Variants in STAG1 observed in about 807,000 individuals in gnomAD.
STAG1 encodes STAG1 cohesin complex component.
Under a neutral mutation model 170.9 loss-of-function variants are expected in STAG1, and 26 were observed. The ratio of observed to expected loss-of-function variants is 0.15; its 90% CI spans 0.11 to 0.21. The LOEUF (loss-of-function observed/expected upper bound fraction) is 0.21. Ranked by LOEUF, STAG1 falls within the 10% of genes least tolerant of loss-of-function variation. The pLI is 1.00. For synonymous variants in STAG1, 514 were observed against 497.7 expected (o/e 1.03, Z -0.44); for missense variants, 964 against 1,509.5 (o/e 0.64, Z 5.99).
At chr3:136,422,268 T>C (rs1275204599) in intron 19 of STAG1, 142 bp downstream of exon 19, 13 of 651,384 alleles carry the variant, frequency 2.0e-5, no homozygotes, top group Non-Finnish European at 3.1e-5. Flanking sequence ...GAATACACAA[T>C]TGTAATAAGG....
intron 13 of STAG1, among the ~76,000 whole-genome samples, chr3:136,454,269 AG>A (rs2089037802): frequency 6.6e-6 from 1 of 151,892 alleles, no homozygotes; most frequent in South Asian, 2.1e-4. Context: ...TAGTAGAGAC[AG>A]GGTTTCACCA....
In STAG1 at chr3:136,707,965, C is replaced by T. The variant is rs550364748; in HGVS notation, c.-84+44230G>A. Among the ~76,000 whole-genome samples, 3 of 151,840 alleles carry T rather than the reference C, an allele frequency of 2.0e-5. No homozygotes were observed. The East Asian group carries it at 5.8e-4, about 29-fold the overall frequency. ...CAAATCATATTCAAACAATAGCAGG[C>T]GGCTATATTTTTTTAAAAAAAAGGA... On this transcript the variant is annotated intron_variant, in intron 1 of 33. Transcript: ENST00000383202.
At chr3:136,743,497 A>T (rs978638361) in intron 1 of STAG1, among the ~76,000 whole-genome samples, 27 of 152,130 alleles carry the variant, frequency 1.8e-4, no homozygotes, top group Non-Finnish European at 3.7e-4. Context: ...AAATGAACCA[A>T]TTTCCCTAAA....
At chr3:136,400,461 T>C (rs2087290928) in intron 21 of STAG1, among the ~76,000 whole-genome samples, 1 of 152,056 alleles carries the variant, frequency 6.6e-6, no homozygotes, top group Admixed American at 6.6e-5. Context: ...GATCAGGCAA[T>C]CTGCCCACCT....
intron 28 of STAG1, among the ~76,000 whole-genome samples, chr3:136,353,778 G>C (rs941434229): frequency 6.6e-6 from 1 of 152,150 alleles, no homozygotes; most frequent in South Asian, 2.1e-4. Flanking sequence ...AGGGTAATTT[G>C]AATTTACATG....
intron 1 of STAG1, among the ~76,000 whole-genome samples, chr3:136,692,530 G>A (rs1240446974): frequency 6.6e-6 from 1 of 151,978 alleles, no homozygotes; most frequent in Non-Finnish European, 1.5e-5. Context: ...AGCTACTCAA[G>A]AGGCTGAGGC....
At chr3:136,549,683 A>G in intron 5 of STAG1, among the ~76,000 whole-genome samples, 1 of 149,972 alleles carries the variant, frequency 6.7e-6, no homozygotes, top group East Asian at 1.9e-4. Flanking sequence ...CTTGCCTAAT[A>G]GCTCTGGGCA....
intron 5 of STAG1, among the ~76,000 whole-genome samples, chr3:136,563,940 T>G (rs1266035264): frequency 6.6e-6 from 1 of 152,046 alleles, no homozygotes; most frequent in Non-Finnish European, 1.5e-5. Flanking sequence ...GGAGAACTGC[T>G]TGAACCCAGG....
At chr3:136,566,283 A>G (rs1937072801) in intron 5 of STAG1, among the ~76,000 whole-genome samples, 1 of 152,098 alleles carries the variant, frequency 6.6e-6, no homozygotes, top group African/African-American at 2.4e-5. Context: ...AACGCTCTCA[A>G]CCCTCTTTTT....
intron 1 of STAG1, among the ~76,000 whole-genome samples, chr3:136,745,522 C>T (rs1042490737): frequency 7.2e-5 from 11 of 152,154 alleles, no homozygotes; most frequent in African/African-American, 2.2e-4. Context: ...AGATAAAGCA[C>T]GCAACGTACA....
intron 12 of STAG1, among the ~76,000 whole-genome samples, chr3:136,470,821 A>G (rs1187551432): frequency 6.6e-6 from 1 of 152,186 alleles, no homozygotes. Context: ...GGATGAGTTC[A>G]TGTCCTTTGT....
intron 4 of STAG1, among the ~76,000 whole-genome samples, chr3:136,573,140 T>G (rs929322326): frequency 1.3e-5 from 2 of 151,588 alleles, no homozygotes; most frequent in Non-Finnish European, 2.9e-5. Context: ...GATCTTCAAC[T>G]GCATTCCAGC....
chr3:136,403,224 T>TAAAAAAAAAAAAAAA (rs55678408), intron 21 of STAG1, among the ~76,000 whole-genome samples: 45 of 33,616 alleles, frequency 1.3e-3, no homozygotes, highest in Admixed American at 1.7e-3. Flanking sequence ...GAGACTGTCT[T>TAAAAAAAAAAAAAAA]AAAAAAAAAA....
At chr3:136,746,287 C>T (rs868303636) in intron 1 of STAG1, among the ~76,000 whole-genome samples, 12 of 152,136 alleles carry the variant, frequency 7.9e-5, no homozygotes, top group Admixed American at 1.3e-4. Flanking sequence ...TATATCATTT[C>T]TGTGTTAAAA....
At chr3:136,449,482 T>C (rs2088875588) in intron 14 of STAG1, among the ~76,000 whole-genome samples, 1 of 151,110 alleles carries the variant, frequency 6.6e-6, no homozygotes, top group Non-Finnish European at 1.5e-5. Context: ...ATTGCTTGAA[T>C]CTGGGAGACA....
intron 1 of STAG1, among the ~76,000 whole-genome samples, chr3:136,741,579 C>T (rs1387199962): frequency 2.0e-5 from 3 of 152,192 alleles, no homozygotes; most frequent in Non-Finnish European, 4.4e-5. Context: ...AGCGATTCTC[C>T]TGCCTCAGCC....
intron 21 of STAG1, among the ~76,000 whole-genome samples, chr3:136,413,965 T>C (rs1023052884): frequency 2.6e-5 from 4 of 152,184 alleles, no homozygotes; most frequent in Non-Finnish European, 4.4e-5. Context: ...AAGTGTGCAA[T>C]AGCATTATGT....
chr3:136,502,897 C>T, intron 7 of STAG1, 118 bp from the exon 8 acceptor site: 1 of 764,758 alleles, frequency 1.3e-6, no homozygotes. Context: ...TTTTACAACC[C>T]AGGCATAATT....
Position 136,612,133 on chromosome 3 carries a change from C to T in STAG1, c.133-7660G>A, listed in dbSNP as rs1939325409. ...AAGTGCTGGGATTACAGGCATGAGC[C>T]ACTGCGCCTGGCCTATGTGTGGATT... On this transcript the variant is annotated intron_variant, in intron 3 of 33. Coordinates refer to ENST00000383202, the MANE Select transcript of STAG1 (RefSeq NM_005862.3). 2.6e-5 allele frequency among the ~76,000 whole-genome samples: 4 copies of T among 152,206 alleles called. No homozygotes were observed. In the South Asian group the frequency reaches 6.2e-4, roughly 24 times the overall value.
Sources: allele counts gnomAD v4.1 joint callset (sites outside exome capture counted in the v4.1 genomes callset), GRCh38; gene constraint gnomAD v4.1.1; transcripts MANE v1.5; gene names NCBI Gene and HGNC (gene_info 2026-07-23, HGNC 2026-07-21).